The following DENND1A variants were observed in gnomAD, a reference collection of about 807,000 sequenced individuals.
DENND1A encodes DENN domain-containing protein 1A.
DENND1A carries 51 observed loss-of-function variants against 113.7 expected under a neutral mutation model. The observed-to-expected ratio is 0.45, with a 90% CI of 0.36 to 0.57. The LOEUF is 0.57. Ranked by LOEUF, DENND1A falls within the 20% of genes least tolerant of loss-of-function variation. DENND1A has a pLI of 0.00. For missense variants in DENND1A, 1,258 were observed against 1,395.9 expected (o/e 0.90, Z 1.57); for synonymous variants, 565 against 570.8 (o/e 0.99, Z 0.14).
intron 1 of DENND1A, among the ~76,000 whole-genome samples, chr9:123,879,467 A>C (rs1008698456): frequency 2.0e-5 from 3 of 152,190 alleles, no homozygotes; most frequent in Non-Finnish European, 4.4e-5. Context: ...CAGGAGGCAG[A>C]GGTTGCAGTG....
intron 5 of DENND1A, among the ~76,000 whole-genome samples, chr9:123,740,899 T>TGAGAGAGAGAGAAAGAGA (rs2068955491): frequency 9.2e-6 from 1 of 108,870 alleles, no homozygotes; most frequent in Non-Finnish European, 1.8e-5. Flanking sequence ...GAAGGGAAAG[T>TGAGAGAGAGAGAAAGAGA]GAGAGAGAGA....
intron 15 of DENND1A, among the ~76,000 whole-genome samples, chr9:123,455,964 T>C (rs2048087305): frequency 6.6e-6 from 1 of 152,210 alleles, no homozygotes; most frequent in Admixed American, 6.5e-5. Context: ...TGATTGTCTT[T>C]AGTCATGCAT....
intron 1 of DENND1A, among the ~76,000 whole-genome samples, chr9:123,895,688 C>T (rs1850642849): frequency 6.6e-6 from 1 of 151,648 alleles, no homozygotes; most frequent in Non-Finnish European, 1.5e-5. Context: ...AGATAGAAAC[C>T]TAACAGGGTT....
chr9:123,878,961 G>A lies in DENND1A; in HGVS notation c.78C>T (p.Gly26=). Residue 26 remains glycine, a synonymous_variant, in exon 2 of 24, where the codon GGC becomes GGT. Transcript: ENST00000394215. ...YVEVAYPRTG[G]TLSDPEVQRQ... is the part of the protein sequence containing the mutation. ...AAACATGCAAAGTACCTGAAAGAGT[G>A]CCACCTGTCCTGGGATAGGCCACTT... is the stretch of plus-strand genomic sequence containing the variant. 6.2e-7 allele frequency: 1 copy of A among 1,613,952 alleles called. No individual in the cohort carries two copies. Among genetic ancestry groups the A allele is most frequent in the Non-Finnish European group, 8.5e-7 (1 of 1,179,922 alleles).
intron 19 of DENND1A, among the ~76,000 whole-genome samples, chr9:123,432,995 G>A (rs1328420112): frequency 2.0e-5 from 3 of 152,210 alleles, no homozygotes; most frequent in Non-Finnish European, 4.4e-5. Flanking sequence ...TGAGAGCCTC[G>A]GTGAAGGCCA....
intron 13 of DENND1A, among the ~76,000 whole-genome samples, chr9:123,476,240 A>G (rs1422577822): frequency 6.6e-6 from 1 of 152,072 alleles, no homozygotes; most frequent in Non-Finnish European, 1.5e-5. Flanking sequence ...AAGTGTCTTA[A>G]TATTGAGATA....
At chr9:123,752,960 G>A (rs1453136495) in intron 5 of DENND1A, among the ~76,000 whole-genome samples, 1 of 152,180 alleles carries the variant, frequency 6.6e-6, no homozygotes, top group African/African-American at 2.4e-5. Flanking sequence ...ATCTCAAGGA[G>A]GAGTAAAATT....
intron 2 of DENND1A, among the ~76,000 whole-genome samples, chr9:123,794,366 C>T (rs1178438265): frequency 6.6e-6 from 1 of 152,108 alleles, no homozygotes. Flanking sequence ...GTCCAGAGAC[C>T]CAAAAAATGT....
At chr9:123,467,524 G>A (rs1045799674) in intron 13 of DENND1A, among the ~76,000 whole-genome samples, 13 of 152,014 alleles carry the variant, frequency 8.6e-5, no homozygotes, top group Non-Finnish European at 1.2e-4. Flanking sequence ...GCATATTGGC[G>A]GGCGCCTGTA....
At chr9:123,929,714 CCCCGCG>C (rs1857693265) in intron 1 of DENND1A, among the ~76,000 whole-genome samples, 169 bp downstream of exon 1, 1 of 151,414 alleles carries the variant, frequency 6.6e-6, no homozygotes, top group Non-Finnish European at 1.5e-5. Flanking sequence ...CGCACCCCGC[CCCCGCG>C]CCTCCCTGGA....
At chr9:123,528,412 T>A (rs143870822) in intron 13 of DENND1A, among the ~76,000 whole-genome samples, 1 of 152,174 alleles carries the variant, frequency 6.6e-6, no homozygotes, top group Non-Finnish European at 1.5e-5. Flanking sequence ...ATATTTGCCA[T>A]ATATTTATTG....
intron 12 of DENND1A, among the ~76,000 whole-genome samples, chr9:123,573,432 A>C (rs936299380): frequency 2.6e-5 from 4 of 152,156 alleles, no homozygotes; most frequent in Non-Finnish European, 4.4e-5. Flanking sequence ...AATCCAAAAC[A>C]TGGAATAGCT....
intron 13 of DENND1A, among the ~76,000 whole-genome samples, chr9:123,485,296 C>CT (rs1337227610): frequency 1.3e-5 from 2 of 152,202 alleles, no homozygotes; most frequent in East Asian, 3.9e-4. Flanking sequence ...AGTCACAAGG[C>CT]TTAGCAGGTG....
chr9:123,905,217 T>C (rs1275305190), intron 1 of DENND1A, among the ~76,000 whole-genome samples: 1 of 151,926 alleles, frequency 6.6e-6, no homozygotes, highest in East Asian at 1.9e-4. Flanking sequence ...GTGCTAAACA[T>C]GGAAAGGAAC....
intron 9 of DENND1A, among the ~76,000 whole-genome samples, chr9:123,643,220 C>A (rs1490260589): frequency 1.3e-5 from 2 of 152,116 alleles, no homozygotes; most frequent in African/African-American, 2.4e-5. Flanking sequence ...TTTTTGTTGA[C>A]GCAGTTAGGA....
chr9:123,745,022 C>T (rs929739206), intron 5 of DENND1A, among the ~76,000 whole-genome samples: 2 of 152,152 alleles, frequency 1.3e-5, no homozygotes, highest in African/African-American at 4.8e-5. Flanking sequence ...GTGATCGACC[C>T]GCCTCGGCCT....
chr9:123,466,548 C>T (rs1453326862), intron 13 of DENND1A, among the ~76,000 whole-genome samples: 2 of 152,190 alleles, frequency 1.3e-5, no homozygotes, highest in Admixed American at 6.5e-5. Flanking sequence ...CCACCTGCCT[C>T]GGCCTCCCAA....
At chr9:123,658,605 T>A (rs2063082333) in intron 8 of DENND1A, among the ~76,000 whole-genome samples, 1 of 152,236 alleles carries the variant, frequency 6.6e-6, no homozygotes, top group African/African-American at 2.4e-5. Context: ...ATTAATTTTT[T>A]AAGTTTGCTT....
Position 123,467,202 on chromosome 9 carries a change from G to C in DENND1A, c.994-9305C>G, listed in dbSNP as rs146237297. On this transcript the variant is annotated intron_variant, in intron 13 of 23. Coordinates refer to ENST00000394215, the MANE Select transcript of DENND1A (RefSeq NM_001352964.2). The stretch of plus-strand genomic sequence containing the variant: ...ATGGACATGTTTACTTTGTGAGCAC[G>C]TAGAGTCCTGCTGAATGTCCCCACA... 4.4e-3 allele frequency among the ~76,000 whole-genome samples: 674 copies of C among 152,340 alleles called. 4 individuals carry two copies. The highest frequency in any genetic ancestry group is 0.016 in the African/African-American group (647 of 41,572).
Sources: allele counts gnomAD v4.1 joint callset (sites outside exome capture counted in the v4.1 genomes callset), GRCh38; gene constraint gnomAD v4.1.1; transcripts MANE v1.5; gene names NCBI Gene and HGNC (gene_info 2026-07-23, HGNC 2026-07-21).